KCNIP1: variants seen among roughly 807,000 people sequenced by gnomAD.
KCNIP1 encodes the protein potassium voltage-gated channel interacting protein 1.
Under a neutral mutation model 33.0 loss-of-function variants are expected in KCNIP1, and 18 were observed. That is an observed-to-expected ratio of 0.55 (90% CI 0.38 to 0.81). The LOEUF (loss-of-function observed/expected upper bound fraction) is 0.81, where lower values mean the gene tolerates loss of function less well. Ranked by LOEUF, KCNIP1 falls within the 30% of genes least tolerant of loss-of-function variation. The probability of loss-of-function intolerance (pLI) is 0.00; values close to 1 mark genes in which losing one functional copy is unlikely to be tolerated. For missense variants in KCNIP1, 238 were observed against 271.6 expected, an observed-to-expected ratio of 0.88 and a Z score of 0.87; for synonymous variants, 93 against 98.3, an observed-to-expected ratio of 0.95 and a Z score of 0.32.
chr5:170,562,653 C>T (rs1757072642), intron 1 of KCNIP1, among the ~76,000 whole-genome samples: 1 of 152,240 alleles, frequency 6.6e-6, no homozygotes, highest in African/African-American at 2.4e-5. Flanking sequence ...CACGCCGTCT[C>T]TCAGTCCCTG....
intron 1 of KCNIP1, among the ~76,000 whole-genome samples, chr5:170,711,311 C>T (rs1462101638): frequency 1.3e-5 from 2 of 152,236 alleles, no homozygotes; most frequent in Non-Finnish European, 2.9e-5. Flanking sequence ...TATGCCTCCT[C>T]ACCAGTGTGA....
intron 1 of KCNIP1, among the ~76,000 whole-genome samples, chr5:170,613,594 C>A (rs1252480987): frequency 6.6e-6 from 1 of 151,892 alleles, no homozygotes; most frequent in Non-Finnish European, 1.5e-5. Context: ...GGGGAGACCA[C>A]AGGGAAAGGA....
intron 1 of KCNIP1, among the ~76,000 whole-genome samples, chr5:170,618,332 C>T (rs1452415206): frequency 6.6e-6 from 1 of 151,320 alleles, no homozygotes; most frequent in Non-Finnish European, 1.5e-5. Flanking sequence ...AAGTCATGTC[C>T]CCCATGACTC....
At chr5:170,478,099 G>A (rs1756897468) in intron 1 of KCNIP1, among the ~76,000 whole-genome samples, 1 of 152,134 alleles carries the variant, frequency 6.6e-6, no homozygotes, top group Non-Finnish European at 1.5e-5. Flanking sequence ...ATCTTTCAGT[G>A]CAGAGGGCAC....
At chr5:170,419,042 A>G (rs772551874) in intron 1 of KCNIP1, among the ~76,000 whole-genome samples, 4 of 152,256 alleles carry the variant, frequency 2.6e-5, no homozygotes, top group Non-Finnish European at 4.4e-5. Context: ...AGCAAAAAAC[A>G]AGGGACAGAA....
At chr5:170,635,281 C>G (rs181067415) in intron 1 of KCNIP1, among the ~76,000 whole-genome samples, 2 of 152,206 alleles carry the variant, frequency 1.3e-5, no homozygotes, top group Admixed American at 1.3e-4. Context: ...CTGCCTGCCT[C>G]GGCCTCCCAA....
In KCNIP1 at chr5:170,518,719, G is replaced by A. The variant is rs114362921; in HGVS notation, c.61+14086G>A. Among the ~76,000 whole-genome samples the A allele has an allele frequency of 9.6e-3, 1,465 of 152,274 alleles. 28 individuals are homozygous for A. The highest frequency in any genetic ancestry group is 0.033 in the African/African-American group (1,374 of 41,538). On this transcript the variant is annotated intron_variant, in intron 1 of 7. Transcript: ENST00000328939. ...ACCTACACTGCCCCTGGAAGCCCCC[G>A]GATGTCAGCTTGGCCTGGCCCTTGT...
At chr5:170,375,280 G>A (rs1009519523) in intron 1 of KCNIP1, 2 of 152,206 alleles carry the variant, frequency 1.3e-5, no homozygotes, top group Non-Finnish European at 2.9e-5. Context: ...CTCACATGAG[G>A]ACCTTTGAGA....
At chr5:170,462,333 A>G (rs1756524389) in intron 1 of KCNIP1, among the ~76,000 whole-genome samples, 1 of 151,930 alleles carries the variant, frequency 6.6e-6, no homozygotes, top group African/African-American at 2.4e-5. Context: ...TGAATAGACA[A>G]TTCTCAAAAG....
chr5:170,544,826 A>G (rs1756353564), intron 1 of KCNIP1, among the ~76,000 whole-genome samples: 1 of 152,192 alleles, frequency 6.6e-6, no homozygotes, highest in Non-Finnish European at 1.5e-5. Flanking sequence ...TACAACAGTT[A>G]AACTCCTGTA....
intron 1 of KCNIP1, among the ~76,000 whole-genome samples, chr5:170,447,639 G>T (rs975499408): frequency 6.6e-6 from 1 of 152,072 alleles, no homozygotes; most frequent in Non-Finnish European, 1.5e-5. Flanking sequence ...CAGCCAAGAC[G>T]GGGGTGTCTT....
chr5:170,693,339 G>A (rs1200444495), intron 1 of KCNIP1, among the ~76,000 whole-genome samples: 3 of 152,150 alleles, frequency 2.0e-5, no homozygotes, highest in Non-Finnish European at 4.4e-5. Flanking sequence ...CAGTCTACCA[G>A]TCCTCCCTCC....
chr5:170,386,921 C>T lies in KCNIP1; in HGVS notation c.88+32957C>T, dbSNP rs1764498112. On this transcript the variant is annotated intron_variant, in intron 1 of 7. Coordinates refer to the KCNIP1 transcript ENST00000377360. ...CCCCAATGCAAGCAAAGATTCCACC[C>T]TCCCCTGCTAGGCTCCTGATCGCTC... 2.6e-5 allele frequency among the ~76,000 whole-genome samples: 4 copies of T among 152,032 alleles called. No homozygotes were observed. In the South Asian group the frequency reaches 8.3e-4, roughly 32 times the overall value.
intron 1 of KCNIP1, chr5:170,376,150 C>CTTTTTTTTTTTTTTTTTT (rs397885011): frequency 1.4e-5 from 1 of 70,638 alleles, no homozygotes; most frequent in Non-Finnish European, 2.8e-5. Flanking sequence ...ATGACTTATT[C>CTTTTTTTTTTTTTTTTTT]TTTTTTTTTT....
At chr5:170,597,620 T>C (rs1482022203) in intron 1 of KCNIP1, among the ~76,000 whole-genome samples, 1 of 151,916 alleles carries the variant, frequency 6.6e-6, no homozygotes, top group African/African-American at 2.4e-5. Flanking sequence ...CCTGACAGGA[T>C]GAATTCCCTC....
At chr5:170,498,835 G>A in intron 1 of KCNIP1, among the ~76,000 whole-genome samples, 1 of 152,122 alleles carries the variant, frequency 6.6e-6, no homozygotes, top group East Asian at 1.9e-4. Context: ...GACATGATTG[G>A]GTTCATGTTT....
chr5:170,706,749 A>C (rs367770863), intron 1 of KCNIP1, among the ~76,000 whole-genome samples: 7 of 151,924 alleles, frequency 4.6e-5, no homozygotes, highest in Admixed American at 3.3e-4. Context: ...CTGCCCCTTC[A>C]TTTTTCCGTC....
chr5:170,640,414 C>G (rs1330904891), intron 1 of KCNIP1, among the ~76,000 whole-genome samples: 1 of 152,180 alleles, frequency 6.6e-6, no homozygotes. Flanking sequence ...AAGTTTGCAC[C>G]TGGAGCCGCC....
At chr5:170,662,290 G>C (rs1043462798) in intron 1 of KCNIP1, among the ~76,000 whole-genome samples, 1 of 152,126 alleles carries the variant, frequency 6.6e-6, no homozygotes, top group Non-Finnish European at 1.5e-5. Flanking sequence ...CTTCCCACTA[G>C]AGAATTTATA....
Sources: gnomAD v4.1 joint callset for allele counts (sites outside exome capture counted in the v4.1 genomes callset) on GRCh38, gnomAD v4.1.1 for gene constraint, MANE v1.5 for transcripts, NCBI Gene and HGNC (gene_info 2026-07-23, HGNC 2026-07-21) for gene names.